CCDC102B: variants seen among roughly 807,000 people sequenced by gnomAD.
CCDC102B encodes the protein coiled-coil domain-containing protein 102B.
A neutral mutation model predicts 57.4 loss-of-function variants in CCDC102B; 75 were observed. The ratio of observed to expected loss-of-function variants is 1.31; its 90% CI spans 1.08 to 1.58. The LOEUF (loss-of-function observed/expected upper bound fraction) is 1.58. CCDC102B is among the 40% of genes most tolerant of loss of function. The pLI, the probability that CCDC102B is intolerant of heterozygous loss-of-function variation, is 0.00. For synonymous variants in CCDC102B, 206 were observed against 201.9 expected (o/e 1.02, Z -0.17); for missense variants, 636 against 582.6 (o/e 1.09, Z -0.94).
At chr18:68,766,847 A>G (rs1313457863) in intron 2 of CCDC102B, among the ~76,000 whole-genome samples, 2 of 152,178 alleles carry the variant, frequency 1.3e-5, no homozygotes, top group African/African-American at 2.4e-5. Flanking sequence ...TTGGGAATTA[A>G]AAGAAAATGA....
At chr18:68,995,564 T>C (rs2051002209) in intron 6 of CCDC102B, among the ~76,000 whole-genome samples, 1 of 152,096 alleles carries the variant, frequency 6.6e-6, no homozygotes, top group Non-Finnish European at 1.5e-5. Context: ...ACTTGTCAGC[T>C]TCCACATGGT....
Position 69,040,299 on chromosome 18 carries a change from T to A in CCDC102B, c.1435-13731T>A, listed in dbSNP as rs1466870455. Among the ~76,000 whole-genome samples, 5 of 151,934 alleles carry A rather than the reference T, an allele frequency of 3.3e-5. No individual in the cohort carries two copies. In the East Asian group the frequency reaches 9.7e-4, roughly 29 times the overall value. Reference sequence around the variant, plus strand: ...AAAGCTCATGAGTGAAAGTTATATATAATATTTATTTCTTGTATTTTTATT... The same window carrying A: ...AAAGCTCATGAGTGAAAGTTATATAAAATATTTATTTCTTGTATTTTTATT... On this transcript the variant is annotated intron_variant, in intron 7 of 7. Transcript: ENST00000360242.
chr18:69,025,869 G>A lies in CCDC102B; in HGVS notation c.1434+14765G>A, dbSNP rs139116896. ...GAGCTGAGTAAGACGGTTGAGATCC[G>A]GAACTAGTTCCACATGCTGGGGTGG... On this transcript the variant is annotated intron_variant, in intron 7 of 7. Transcript: ENST00000360242. Among the ~76,000 whole-genome samples the A allele has an allele frequency of 3.2e-4, 49 of 152,240 alleles. 1 individual carries two copies. Among genetic ancestry groups the A allele is most frequent in the African/African-American group, 1.1e-3 (47 of 41,550 alleles).
At chr18:68,836,176 C>G (rs185676881) in intron 1 of CCDC102B, among the ~76,000 whole-genome samples, 33 of 152,260 alleles carry the variant, frequency 2.2e-4, no homozygotes, top group Middle Eastern at 3.4e-3. Context: ...CTGGAATTGT[C>G]AAAATGAATT....
intron 2 of CCDC102B, among the ~76,000 whole-genome samples, chr18:68,718,680 A>G (rs1218078811): frequency 1.3e-5 from 2 of 152,222 alleles, no homozygotes; most frequent in African/African-American, 4.8e-5. Context: ...TAGTTTTAAC[A>G]GTGCTTCTCA....
intron 6 of CCDC102B, among the ~76,000 whole-genome samples, chr18:68,901,776 G>T (rs1017749578): frequency 2.0e-4 from 31 of 152,134 alleles, no homozygotes; most frequent in Admixed American, 3.3e-4. Flanking sequence ...TGAAACTCAT[G>T]GGGGGATGTG....
chr18:68,804,017 A>G (rs1374982468), intron 1 of CCDC102B, among the ~76,000 whole-genome samples: 1 of 152,206 alleles, frequency 6.6e-6, no homozygotes, highest in Non-Finnish European at 1.5e-5. Flanking sequence ...GGAGTAGGGA[A>G]AAGGTAGAAG....
intron 6 of CCDC102B, among the ~76,000 whole-genome samples, chr18:69,009,305 C>G (rs657757): frequency 0.059 from 9,011 of 152,082 alleles, 465 homozygotes; most frequent in East Asian, 0.21. Context: ...ATCTAGGCGT[C>G]CCTTACGCCC....
chr18:68,739,666 A>G (rs756191742), intron 2 of CCDC102B, among the ~76,000 whole-genome samples: 3 of 152,170 alleles, frequency 2.0e-5, no homozygotes, highest in East Asian at 1.9e-4. Flanking sequence ...TAATTCCACT[A>G]TTACCCAGTA....
intron 6 of CCDC102B, among the ~76,000 whole-genome samples, chr18:68,976,897 A>C (rs185382852): frequency 1.3e-5 from 2 of 151,942 alleles, no homozygotes; most frequent in Non-Finnish European, 2.9e-5. Flanking sequence ...CATGATTTGG[A>C]TAATATTATA....
chr18:68,780,662 A>G (rs2034976629), intron 2 of CCDC102B, among the ~76,000 whole-genome samples: 1 of 152,044 alleles, frequency 6.6e-6, no homozygotes, highest in Non-Finnish European at 1.5e-5. Context: ...ACATTTCCTA[A>G]TGACTAATGA....
At chr18:68,863,675 GAA>G (rs1392558640) in intron 4 of CCDC102B, among the ~76,000 whole-genome samples, 3 of 151,814 alleles carry the variant, frequency 2.0e-5, no homozygotes, top group African/African-American at 7.3e-5. Context: ...ACAAAATAAT[GAA>G]TTGAATCACT....
chr18:68,977,709 A>T (rs1000298745), intron 6 of CCDC102B, among the ~76,000 whole-genome samples: 2 of 152,010 alleles, frequency 1.3e-5, no homozygotes, highest in Non-Finnish European at 2.9e-5. Flanking sequence ...TATCCTGCTT[A>T]TTATTATTAG....
intron 1 of CCDC102B, among the ~76,000 whole-genome samples, chr18:68,831,917 A>G (rs556745805): frequency 2.6e-5 from 4 of 152,298 alleles, no homozygotes; most frequent in South Asian, 4.1e-4. Flanking sequence ...GCCACATTTT[A>G]TAATACAATA....
intron 7 of CCDC102B, among the ~76,000 whole-genome samples, chr18:69,016,279 A>G (rs972047840): frequency 6.6e-6 from 1 of 152,198 alleles, no homozygotes; most frequent in Non-Finnish European, 1.5e-5. Flanking sequence ...GATAAAAAGT[A>G]TAATAATGCA....
chr18:68,732,427 C>A (rs550140301), intron 2 of CCDC102B, among the ~76,000 whole-genome samples: 1 of 151,796 alleles, frequency 6.6e-6, no homozygotes, highest in South Asian at 2.1e-4. Flanking sequence ...CTCATTGCAA[C>A]CTCCGCCTCC....
At chr18:68,770,807 A>G (rs1008408961) in intron 2 of CCDC102B, among the ~76,000 whole-genome samples, 1 of 152,256 alleles carries the variant, frequency 6.6e-6, no homozygotes, top group South Asian at 2.1e-4. Flanking sequence ...CTTGATGCAT[A>G]AGAGCCAGGC....
At chr18:68,815,250 A>G (rs1256551515) in intron 1 of CCDC102B, among the ~76,000 whole-genome samples, 1 of 152,156 alleles carries the variant, frequency 6.6e-6, no homozygotes, top group East Asian at 1.9e-4. Context: ...ATTTACACAC[A>G]TACAAACACG....
intron 2 of CCDC102B, among the ~76,000 whole-genome samples, chr18:68,722,879 T>C (rs964033860): frequency 1.3e-5 from 2 of 151,058 alleles, no homozygotes; most frequent in African/African-American, 2.4e-5. Context: ...TCTGCTTTTA[T>C]TTTTTTTTCT....
Sources: allele counts gnomAD v4.1 joint callset (sites outside exome capture counted in the v4.1 genomes callset), GRCh38; gene constraint gnomAD v4.1.1; transcripts MANE v1.5; gene names NCBI Gene and HGNC (gene_info 2026-07-23, HGNC 2026-07-21).